The following MIGA1 variants were observed in gnomAD, a reference collection of about 807,000 sequenced individuals.
MIGA1 encodes family with sequence similarity 73, member A.
A neutral mutation model predicts 82.0 loss-of-function variants in MIGA1; 58 were observed. That is an observed-to-expected ratio of 0.71 (90% CI 0.57 to 0.88). The LOEUF (loss-of-function observed/expected upper bound fraction) is 0.88. MIGA1 is among the 40% of genes least tolerant of loss of function. The pLI, the probability that MIGA1 is intolerant of heterozygous loss-of-function variation, is 0.00. For missense variants in MIGA1, 751 were observed against 749.1 expected, an observed-to-expected ratio of 1.00 and a Z score of -0.03; for synonymous variants, 249 against 253.6, an observed-to-expected ratio of 0.98 and a Z score of 0.17.
intron 7 of MIGA1, among the ~76,000 whole-genome samples, chr1:77,823,754 C>T (rs1683919888): frequency 3.3e-5 from 5 of 152,166 alleles, no homozygotes; most frequent in Admixed American, 6.5e-5. Context: ...TTTGTAGAGA[C>T]GGGGTCTCAC....
chr1:77,850,305 G>A (rs1684999425), intron 8 of MIGA1, among the ~76,000 whole-genome samples: 1 of 152,208 alleles, frequency 6.6e-6, no homozygotes, highest in African/African-American at 2.4e-5. Flanking sequence ...TCCACAATGT[G>A]CTGTTGGTTA....
intron 13 of MIGA1, among the ~76,000 whole-genome samples, 178 bp downstream of exon 13, chr1:77,864,206 CAAA>C (rs879581853): frequency 2.3e-5 from 3 of 128,642 alleles, no homozygotes; most frequent in Non-Finnish European, 5.0e-5. Flanking sequence ...ACTAAAAATA[CAAA>C]AAAAAAAAAA....
intron 8 of MIGA1, chr1:77,847,842 G>C: frequency 1.2e-6 from 2 of 1,607,566 alleles, no homozygotes; most frequent in Admixed American, 3.3e-5. Context: ...TCTTCAAACT[G>C]ATGTGAAAGT....
At position 77,843,175 on chromosome 1, in the gene MIGA1, C is replaced by A. The variant is rs181731631; in HGVS notation, c.896-132C>A. On this transcript the variant is annotated intron_variant, in intron 7 of 15. Transcript: ENST00000370791. ...TTCAGATTCAGTTAAACAATGGATA[C>A]TTACTGTTTTCTTTTTGACACTAGT... The A allele has an allele frequency of 5.4e-5, 30 of 555,774 alleles. No homozygotes were observed. In the East Asian group the frequency reaches 5.7e-4, roughly 11 times the overall value. 34.4% of individuals were successfully genotyped at this position (555,774 alleles called of 1,614,324 possible).
intron 1 of MIGA1, among the ~76,000 whole-genome samples, chr1:77,781,553 G>A (rs1335032757): frequency 6.6e-6 from 1 of 152,196 alleles, no homozygotes; most frequent in Non-Finnish European, 1.5e-5. Flanking sequence ...AGGAAAAGCA[G>A]TCATTCTTTG....
chr1:77,815,348 C>A, intron 7 of MIGA1, 117 bp downstream of exon 7: 2 of 824,526 alleles, frequency 2.4e-6, no homozygotes, highest in Admixed American at 3.9e-5. Context: ...AAAAAATAAA[C>A]TAGCCAAGAG....
In MIGA1 at chr1:77,878,388, C is replaced by G. The variant is rs1489791438; in HGVS notation, c.*3324C>G. 1 of 25,530 alleles carries G rather than the reference C, an allele frequency of 3.9e-5. No homozygotes were observed. Among genetic ancestry groups the G allele is most frequent in the African/African-American group, 9.3e-5 (1 of 10,750 alleles). The allele number at this position is 25,530 out of a possible 1,614,324, so 1.6% of individuals were successfully genotyped here. ...CAGCCTGGGCAACAAGAGTAAAACT[C>G]TGTCTCAAAAAAAAAAAAAAAAAAA... On this transcript the variant is annotated 3_prime_UTR_variant, in exon 16 of 16. Coordinates refer to ENST00000370791, the MANE Select transcript of MIGA1 (RefSeq NM_198549.4).
chr1:77,831,943 A>G (rs1684260981), intron 7 of MIGA1, among the ~76,000 whole-genome samples: 1 of 152,240 alleles, frequency 6.6e-6, no homozygotes, highest in Admixed American at 6.5e-5. Context: ...GGGACATTAT[A>G]TAGTTGGTAT....
At chr1:77,826,840 T>C (rs538934477) in intron 7 of MIGA1, among the ~76,000 whole-genome samples, 5 of 152,124 alleles carry the variant, frequency 3.3e-5, no homozygotes, top group South Asian at 4.1e-4. Context: ...AGTCTTGTTC[T>C]GTTGCCCAGG....
At position 77,860,043 on chromosome 1, in the gene MIGA1, A is replaced by G. The variant is rs1355188869; in HGVS notation, c.1192A>G (p.Ile398Val). The stretch of plus-strand genomic sequence containing the variant: ...TTGGGGATGAATATTTTTTCAGGTA[A>G]TTCTTTCAGAATCAGCTAACAGGAT... Residue 398 changes from isoleucine to valine, a missense_variant, in exon 11 of 16, where the codon ATT becomes GTT. Around this residue, in one of 3 missense-constraint regions of MIGA1, gnomAD observed 265 missense variants for 293.6 expected, o/e 0.90. Transcript: ENST00000370791. 6.2e-7 allele frequency: 1 copy of G among 1,603,550 alleles called. No homozygotes were observed.
At chr1:77,781,744 TA>T (rs1335545951) in intron 1 of MIGA1, among the ~76,000 whole-genome samples, 2 of 152,186 alleles carry the variant, frequency 1.3e-5, no homozygotes, top group Non-Finnish European at 2.9e-5. Context: ...AGAACACTGG[TA>T]GGGGGGATTA....
intron 2 of MIGA1, among the ~76,000 whole-genome samples, chr1:77,786,853 G>A (rs373951124): frequency 2.6e-5 from 4 of 152,080 alleles, no homozygotes; most frequent in South Asian, 2.1e-4. Context: ...CTGTTATCCC[G>A]TTCCAAAGTC....
Position 77,835,446 on chromosome 1 carries a change from C to T in MIGA1, c.896-7861C>T, listed in dbSNP as rs1428802484. Reference sequence around the variant, plus strand: ...TAGATTTACTTATTTTAAAATGTTACCAAAAATAAAAAAGAGCTACTTCAC... The same window carrying T: ...TAGATTTACTTATTTTAAAATGTTATCAAAAATAAAAAAGAGCTACTTCAC... On this transcript the variant is annotated intron_variant, in intron 7 of 15. Transcript: ENST00000370791. Among the ~76,000 whole-genome samples, 3 of 151,394 alleles carry T rather than the reference C, an allele frequency of 2.0e-5. No individual in the cohort carries two copies. In the East Asian group the frequency reaches 5.8e-4, roughly 29 times the overall value.
In MIGA1 at chr1:77,848,060, A is replaced by G. The variant is rs540344399; in HGVS notation, c.996+4653A>G. ...GACACCACACGAAAGGATCACGAAC[A>G]TCGAGAGGACACGAGAAAAGGGAAG... On this transcript the variant is annotated intron_variant, in intron 8 of 15. Transcript: ENST00000370791. 17 of 1,293,084 alleles carry G rather than the reference A, an allele frequency of 1.3e-5. No homozygotes were observed. The South Asian group carries it at 1.5e-4, about 12-fold the overall frequency. 80.1% of individuals were successfully genotyped at this position (1,293,084 alleles called of 1,614,324 possible).
rs1211278686 is a variant in MIGA1, at chr1:77,786,760, A to G, written c.195+3409A>G. Among the ~76,000 whole-genome samples, 3 of 152,324 alleles carry G rather than the reference A, an allele frequency of 2.0e-5. No individual in the cohort carries two copies. The East Asian group carries it at 5.8e-4, about 29-fold the overall frequency. The stretch of plus-strand genomic sequence containing the variant: ...CACTATCAGCATTTTGAGCAAAGCC[A>G]TTCAACAAGACTCTAGGAAGTTCCA... On this transcript the variant is annotated intron_variant, in intron 2 of 15. Coordinates refer to ENST00000370791, the MANE Select transcript of MIGA1 (RefSeq NM_198549.4).
At chr1:77,798,732 C>A (rs889066248) in intron 2 of MIGA1, among the ~76,000 whole-genome samples, 1 of 152,184 alleles carries the variant, frequency 6.6e-6, no homozygotes, top group African/African-American at 2.4e-5. Context: ...AAGATACTCT[C>A]ATTGGATTGA....
intron 8 of MIGA1, among the ~76,000 whole-genome samples, chr1:77,845,177 G>A (rs1187174936): frequency 2.0e-5 from 3 of 151,998 alleles, no homozygotes; most frequent in African/African-American, 7.3e-5. Context: ...ATCACTTACA[G>A]TATCATCTCC....
rs1458961140 is a variant in MIGA1, at chr1:77,858,866, C to T, written c.997-72C>T. 20 of 831,480 alleles carry T rather than the reference C, an allele frequency of 2.4e-5. No individual in the cohort carries two copies. The Admixed American group carries it at 3.6e-4, about 15-fold the overall frequency. 51.5% of individuals were successfully genotyped at this position (831,480 alleles called of 1,614,324 possible). A position where few individuals can be genotyped will look rare whatever the true frequency, so the allele number is the denominator to read the frequency against. On this transcript the variant is annotated intron_variant, in intron 8 of 15. Coordinates refer to ENST00000370791, the MANE Select transcript of MIGA1 (RefSeq NM_198549.4). ...AACTTCTGGGTTCAAATGATCCTCC[C>T]AAAGTGTTGCAATTACAGGCATGAG...
intron 8 of MIGA1, 119 bp from the exon 9 acceptor site, chr1:77,858,819 C>T (rs1685359717): frequency 1.6e-6 from 1 of 615,846 alleles, no homozygotes; most frequent in Non-Finnish European, 2.9e-6. Flanking sequence ...AGGGTCTTAC[C>T]ATGTTACCCA....
Sources: allele counts gnomAD v4.1 joint callset (sites outside exome capture counted in the v4.1 genomes callset), GRCh38; gene constraint gnomAD v4.1.1; regional missense constraint gnomAD v4.1.1; transcripts MANE v1.5; gene names NCBI Gene and HGNC (gene_info 2026-07-23, HGNC 2026-07-21).